STK32B: variants seen among roughly 807,000 people sequenced by gnomAD.
STK32B encodes the protein serine/threonine-protein kinase 32B.
STK32B carries 43 observed loss-of-function variants against 52.6 expected under a neutral mutation model. The observed-to-expected ratio is 0.82, with a 90% CI of 0.64 to 1.05. The LOEUF (loss-of-function observed/expected upper bound fraction) is 1.05, where lower values mean the gene tolerates loss of function less well. Ranked by LOEUF, STK32B falls within the 50% of genes least tolerant of loss-of-function variation. The pLI is 0.00. For missense variants in STK32B, 621 were observed against 534.6 expected, an observed-to-expected ratio of 1.16 and a Z score of -1.59; for synonymous variants, 238 against 204.3, an observed-to-expected ratio of 1.17 and a Z score of -1.41.
intron 11 of STK32B, among the ~76,000 whole-genome samples, chr4:5,478,300 G>A (rs1053702190): frequency 3.9e-5 from 6 of 152,158 alleles, no homozygotes; most frequent in African/African-American, 9.7e-5. Context: ...CTGTCAGAGC[G>A]GTCTCATTTG....
intron 6 of STK32B, 92 bp downstream of exon 6, chr4:5,417,026 C>A: frequency 8.8e-7 from 1 of 1,135,082 alleles, no homozygotes; most frequent in Non-Finnish European, 1.3e-6. Flanking sequence ...CTGCCCGCTG[C>A]CACATACCCT....
At position 5,498,995 on chromosome 4, in the gene STK32B, G is replaced by A. The variant is rs367898855; in HGVS notation, c.1157G>A (p.Arg386Gln). 3.1e-5 allele frequency: 50 copies of A among 1,613,746 alleles called. No individual in the cohort carries two copies. The highest frequency in any genetic ancestry group is 1.2e-4 in the Admixed American group (7 of 59,988). Reference sequence around the variant, plus strand: ...AGCCAGCTCTTGGACACCGACAGCCGAGGGGGAGGCCAGGCCCAAAGCAAG... The same window carrying A: ...AGCCAGCTCTTGGACACCGACAGCCAAGGGGGAGGCCAGGCCCAAAGCAAG... ...QGSQLLDTDS[R>Q]GGGQAQSKLQ... is the part of the protein sequence containing the mutation. The change falls in exon 12 of 12, where the codon CGA becomes CAA. Residue 386 changes from arginine (R) to glutamine (Q), a missense_variant. By Grantham distance (43) the Arg-to-Gln change is conservative. Coordinates refer to ENST00000282908, the MANE Select transcript of STK32B (RefSeq NM_018401.3).
chr4:5,245,739 C>G (rs953302404), intron 3 of STK32B, among the ~76,000 whole-genome samples: 32 of 152,258 alleles, frequency 2.1e-4, no homozygotes, highest in African/African-American at 6.7e-4. Context: ...TTTAGTGCTT[C>G]CTTCAGGAGC....
intron 3 of STK32B, among the ~76,000 whole-genome samples, chr4:5,216,322 T>G (rs1198369492): frequency 4.6e-5 from 7 of 152,106 alleles, no homozygotes; most frequent in Non-Finnish European, 1.0e-4. Flanking sequence ...AGGCACTTTG[T>G]TAGGGGCCAA....
rs532112531 is a variant in STK32B, at chr4:5,432,862, TTTCTC to T, written c.563-13807_563-13803del. Among the ~76,000 whole-genome samples the T allele has an allele frequency of 3.3e-3, 507 of 152,278 alleles. 3 individuals carry two copies. Among genetic ancestry groups the T allele is most frequent in the South Asian group, 7.7e-3 (37 of 4,820 alleles). On this transcript the variant is annotated intron_variant, in intron 6 of 11. Transcript: ENST00000282908. ...GCTTAATCAAGATATACATAGCCGTTTTCTCTTCACAATAAGATTTTGTAGCAGAC... is the reference window on the plus strand; with the variant it reads ...GCTTAATCAAGATATACATAGCCGTTTTCACAATAAGATTTTGTAGCAGAC...
intron 11 of STK32B, among the ~76,000 whole-genome samples, chr4:5,494,060 T>C (rs1719982891): frequency 1.3e-5 from 2 of 152,192 alleles, no homozygotes; most frequent in Admixed American, 6.5e-5. Flanking sequence ...ATTCTGTTGA[T>C]TTGGGGTGGA....
At chr4:5,446,989 T>G (rs1288588780) in intron 7 of STK32B, 2 of 515,738 alleles carry the variant, frequency 3.9e-6, no homozygotes, top group Non-Finnish European at 7.1e-6. Context: ...GAAAGAGGCA[T>G]TCAGTGGGGG....
chr4:5,034,168 T>G, the STK32B span, among the ~76,000 whole-genome samples: 1 of 152,232 alleles, frequency 6.6e-6, no homozygotes, highest in African/African-American at 2.4e-5. Flanking sequence ...AGCTTTGGAC[T>G]CTTACGTAAA....
intron 1 of STK32B, among the ~76,000 whole-genome samples, chr4:5,056,284 A>G (rs1742003792): frequency 6.6e-6 from 1 of 152,192 alleles, no homozygotes; most frequent in Non-Finnish European, 1.5e-5. Flanking sequence ...CCCTGGTGCC[A>G]AAAAGGTTGG....
chr4:5,342,348 C>T (rs1177498075), intron 4 of STK32B, among the ~76,000 whole-genome samples: 1 of 152,132 alleles, frequency 6.6e-6, no homozygotes, highest in Non-Finnish European at 1.5e-5. Context: ...GGCACATATA[C>T]ACCATGGAAT....
At chr4:5,473,108 C>G (rs1717967568) in intron 11 of STK32B, among the ~76,000 whole-genome samples, 2 of 152,200 alleles carry the variant, frequency 1.3e-5, no homozygotes, top group Admixed American at 1.3e-4. Flanking sequence ...TTCTCAAGGT[C>G]TTGCAATATG....
intron 1 of STK32B, among the ~76,000 whole-genome samples, chr4:5,105,067 T>C (rs1714027259): frequency 6.6e-6 from 1 of 152,258 alleles, no homozygotes; most frequent in Non-Finnish European, 1.5e-5. Flanking sequence ...GGGATCCCTT[T>C]GCTCCATATC....
intron 5 of STK32B, among the ~76,000 whole-genome samples, chr4:5,411,013 C>T (rs1296201836): frequency 6.6e-6 from 1 of 151,468 alleles, no homozygotes; most frequent in Non-Finnish European, 1.5e-5. Flanking sequence ...GTGAATAATC[C>T]AGTCACCTCC....
At chr4:5,375,639 G>A (rs978143936) in intron 4 of STK32B, among the ~76,000 whole-genome samples, 3 of 152,054 alleles carry the variant, frequency 2.0e-5, no homozygotes, top group African/African-American at 7.2e-5. Flanking sequence ...ATATTAATTC[G>A]AGTTATTGTG....
At chr4:5,478,411 G>T (rs556380432) in intron 11 of STK32B, among the ~76,000 whole-genome samples, 19 of 152,248 alleles carry the variant, frequency 1.2e-4, no homozygotes, top group Non-Finnish European at 2.6e-4. Context: ...TCCAACCAAA[G>T]ACTCCCTCAA....
At chr4:5,330,916 A>G (rs1161760834) in intron 3 of STK32B, among the ~76,000 whole-genome samples, 1 of 152,194 alleles carries the variant, frequency 6.6e-6, no homozygotes, top group Non-Finnish European at 1.5e-5. Context: ...AAAACGGATG[A>G]AGAAACATGC....
intron 3 of STK32B, among the ~76,000 whole-genome samples, chr4:5,292,686 C>G (rs566608229): frequency 4.4e-4 from 67 of 152,016 alleles, no homozygotes; most frequent in African/African-American, 1.5e-3. Context: ...TGTTTTTGTT[C>G]TCTTTGCTTT....
At chr4:5,208,471 T>G (rs1291980220) in intron 3 of STK32B, among the ~76,000 whole-genome samples, 1 of 152,234 alleles carries the variant, frequency 6.6e-6, no homozygotes, top group Non-Finnish European at 1.5e-5. Context: ...GTAGTTGTTA[T>G]GGCATTTGAT....
At position 5,398,284 on chromosome 4, in the gene STK32B, A is replaced by G; in HGVS notation, c.472+40A>G. 1 of 1,612,630 alleles carries G rather than the reference A, an allele frequency of 6.2e-7. No homozygotes were observed. The highest frequency in any genetic ancestry group is 8.5e-7 in the Non-Finnish European group (1 of 1,179,130). ...AATCCTTTACAGGGACTCTCAGTGG[A>G]AAGTTTGAGGCACTGGGAAATAGTG... On this transcript the variant is annotated intron_variant, in intron 5 of 11. Coordinates refer to ENST00000282908, the MANE Select transcript of STK32B (RefSeq NM_018401.3). This position sits in a 1 kb window ranked among gnomAD's most constrained non-coding sequence, Gnocchi z 4.9.
Sources: gnomAD v4.1 joint callset for allele counts (sites outside exome capture counted in the v4.1 genomes callset) on GRCh38, gnomAD v4.1.1 for gene constraint, Gnocchi (gnomAD v3.1) non-coding constraint, MANE v1.5 for transcripts, NCBI Gene and HGNC (gene_info 2026-07-23, HGNC 2026-07-21) for gene names.